Variants in CYRIA observed in about 807,000 individuals in gnomAD.
The protein encoded by CYRIA is CYFIP related Rac1 interactor A, also known as CYFIP-related Rac1 interactor A.
In CYRIA, 15 loss-of-function variants were observed where a neutral mutation model predicts 43.9. The ratio of observed to expected loss-of-function variants is 0.34; its 90% CI spans 0.23 to 0.53. The LOEUF (loss-of-function observed/expected upper bound fraction) is 0.53. Ranked by LOEUF, CYRIA falls within the 20% of genes least tolerant of loss-of-function variation. The pLI is 0.94. For missense variants in CYRIA, 236 were observed against 394.2 expected (o/e 0.60, Z 3.40); for synonymous variants, 117 against 136.0 (o/e 0.86, Z 0.97).
At position 16,565,549 on chromosome 2, in the gene CYRIA, G is replaced by A. The variant is rs1355680012; in HGVS notation, c.192+97C>T. On this transcript the variant is annotated intron_variant, in intron 4 of 11. Coordinates refer to ENST00000381323, the MANE Select transcript of CYRIA (RefSeq NM_030797.4). ...TCTTCCTGGTACTCTAGGAAATACT[G>A]TAGCTATTACTTAATCTTGCTGTGT... is the stretch of plus-strand genomic sequence containing the variant. 17 of 1,318,094 alleles carry A rather than the reference G, an allele frequency of 1.3e-5. No individual in the cohort carries two copies. The South Asian group carries it at 3.2e-4, about 25-fold the overall frequency. 81.6% of individuals were successfully genotyped at this position (1,318,094 alleles called of 1,614,324 possible). A position where few individuals can be genotyped will look rare whatever the true frequency, so the allele number is the denominator to read the frequency against.
chr2:16,556,293 AC>A (rs1666518805), intron 10 of CYRIA, among the ~76,000 whole-genome samples: 1 of 152,128 alleles, frequency 6.6e-6, no homozygotes, highest in Non-Finnish European at 1.5e-5. Context: ...GTCATGGCAA[AC>A]GAGAGGTGTC....
At chr2:16,593,912 A>G (rs1202573598) in intron 2 of CYRIA, among the ~76,000 whole-genome samples, 1 of 127,768 alleles carries the variant, frequency 7.8e-6, no homozygotes, top group Non-Finnish European at 1.6e-5. Context: ...AGAGTGTGAT[A>G]TTCCCCTTCC....
chr2:16,566,288 T>A (rs1666931286), intron 3 of CYRIA, among the ~76,000 whole-genome samples: 1 of 152,216 alleles, frequency 6.6e-6, no homozygotes, highest in African/African-American at 2.4e-5. Flanking sequence ...ACTCCTTTCA[T>A]CTTGTAAAAC....
intron 2 of CYRIA, among the ~76,000 whole-genome samples, chr2:16,608,969 C>G (rs1379151032): frequency 1.3e-5 from 2 of 152,116 alleles, no homozygotes; most frequent in Non-Finnish European, 2.9e-5. Context: ...AGGTCACTCC[C>G]TTTGCATGAC....
intron 10 of CYRIA, 126 bp from the exon 11 acceptor site, chr2:16,555,265 A>T: frequency 3.3e-6 from 3 of 896,900 alleles, no homozygotes; most frequent in Non-Finnish European, 5.1e-6. Flanking sequence ...CGCAGAAATG[A>T]CCAACAGGTT....
chr2:16,651,771 C>T (rs1187947890), intron 1 of CYRIA, among the ~76,000 whole-genome samples: 1 of 152,088 alleles, frequency 6.6e-6, no homozygotes, highest in Non-Finnish European at 1.5e-5. Flanking sequence ...ATTTTAATAT[C>T]AGGTGCCGTG....
intron 3 of CYRIA, among the ~76,000 whole-genome samples, chr2:16,582,873 A>G (rs974286475): frequency 6.6e-6 from 1 of 152,172 alleles, no homozygotes; most frequent in South Asian, 2.1e-4. Context: ...TTGCATATAC[A>G]TCTAGGAGTG....
chr2:16,574,975 G>T (rs1170166906), intron 3 of CYRIA, among the ~76,000 whole-genome samples: 1 of 152,134 alleles, frequency 6.6e-6, no homozygotes, highest in Non-Finnish European at 1.5e-5. Context: ...TTTACACTGT[G>T]TGCCTGGAAA....
chr2:16,663,493 A>G (rs1670316977), intron 1 of CYRIA, among the ~76,000 whole-genome samples: 1 of 152,150 alleles, frequency 6.6e-6, no homozygotes. Context: ...GGGAAGGAAC[A>G]GCCTCACTGG....
intron 1 of CYRIA, among the ~76,000 whole-genome samples, chr2:16,662,868 T>C (rs998447042): frequency 3.9e-5 from 6 of 152,242 alleles, no homozygotes; most frequent in African/African-American, 1.4e-4. Flanking sequence ...ACCACCTGTC[T>C]AACTGTATTA....
intron 1 of CYRIA, among the ~76,000 whole-genome samples, chr2:16,661,505 C>T (rs1432553483): frequency 6.6e-6 from 1 of 152,184 alleles, no homozygotes; most frequent in Non-Finnish European, 1.5e-5. Flanking sequence ...CTAGCATCAT[C>T]AAACATTTTC....
chr2:16,569,685 A>C (rs914729094), intron 3 of CYRIA, among the ~76,000 whole-genome samples: 4 of 152,212 alleles, frequency 2.6e-5, no homozygotes, highest in African/African-American at 9.6e-5. Context: ...AAATGGGAAA[A>C]GAACTGTGTG....
intron 1 of CYRIA, among the ~76,000 whole-genome samples, chr2:16,625,316 A>G (rs1669127447): frequency 1.3e-5 from 2 of 148,262 alleles, no homozygotes; most frequent in South Asian, 4.4e-4. Flanking sequence ...ACAATTATCA[A>G]CGCTCCCTGG....
intron 1 of CYRIA, among the ~76,000 whole-genome samples, chr2:16,634,268 G>A (rs1480320172): frequency 6.6e-6 from 1 of 152,174 alleles, no homozygotes; most frequent in Admixed American, 6.5e-5. Flanking sequence ...GAGGCTCCCA[G>A]TGGTCACAGC....
intron 2 of CYRIA, among the ~76,000 whole-genome samples, chr2:16,592,108 C>T (rs932864669): frequency 1.3e-5 from 2 of 152,088 alleles, no homozygotes; most frequent in African/African-American, 4.8e-5. Flanking sequence ...ATCTGAAACG[C>T]TCCAAAATCT....
intron 10 of CYRIA, among the ~76,000 whole-genome samples, chr2:16,555,762 T>A (rs965208957): frequency 6.6e-6 from 1 of 152,162 alleles, no homozygotes; most frequent in African/African-American, 2.4e-5. Flanking sequence ...GAGAATTTAG[T>A]GCCCATATTA....
intron 1 of CYRIA, among the ~76,000 whole-genome samples, chr2:16,631,458 T>C (rs965586937): frequency 6.6e-6 from 1 of 152,236 alleles, no homozygotes; most frequent in Admixed American, 6.5e-5. Flanking sequence ...ATACTGATGC[T>C]TCTAAATTTC....
chr2:16,568,227 G>GAAAAAAAAAAAAAAAAAAAAAAAAAAAAA (rs71400699), intron 3 of CYRIA, among the ~76,000 whole-genome samples: 1 of 88,754 alleles, frequency 1.1e-5, no homozygotes. Flanking sequence ...TTCAAAATCA[G>GAAAAAAAAAAAAAAAAAAAAAAAAAAAAA]AAAAAAAAAA....
chr2:16,601,584 G>A (rs1219221859), intron 2 of CYRIA, among the ~76,000 whole-genome samples: 2 of 151,936 alleles, frequency 1.3e-5, no homozygotes, highest in Admixed American at 1.3e-4. Context: ...TGTACTCATG[G>A]TATTTTCTAT....
Sources: gnomAD v4.1 joint callset for allele counts (sites outside exome capture counted in the v4.1 genomes callset) on GRCh38, gnomAD v4.1.1 for gene constraint, MANE v1.5 for transcripts, NCBI Gene and HGNC (gene_info 2026-07-23, HGNC 2026-07-21) for gene names.